The following TAFA2 variants were observed in gnomAD, a reference collection of about 807,000 sequenced individuals.
The protein encoded by TAFA2 is chemokine-like protein TAFA-2.
In TAFA2, 7 loss-of-function variants were observed where a neutral mutation model predicts 18.8. The ratio of observed to expected loss-of-function variants is 0.37; its 90% confidence interval spans 0.21 to 0.70. The LOEUF (loss-of-function observed/expected upper bound fraction) is 0.70, where lower values mean the gene tolerates loss of function less well. TAFA2 is among the 30% of genes least tolerant of loss of function. The probability of loss-of-function intolerance (pLI) is 0.53; values close to 1 mark genes in which losing one functional copy is unlikely to be tolerated. For synonymous variants in TAFA2, 60 were observed against 54.2 expected (o/e 1.11, Z -0.47); for missense variants, 122 against 158.1 (o/e 0.77, Z 1.23).
intron 2 of TAFA2, among the ~76,000 whole-genome samples, chr12:61,857,670 GAT>G (rs1873940051): frequency 6.6e-6 from 1 of 152,108 alleles, no homozygotes; most frequent in Non-Finnish European, 1.5e-5. Flanking sequence ...TTTTCAAAAC[GAT>G]TCTGAAGTTC....
intron 1 of TAFA2, among the ~76,000 whole-genome samples, chr12:62,011,971 G>A (rs1227577012): frequency 6.6e-6 from 1 of 152,104 alleles, no homozygotes; most frequent in African/African-American, 2.4e-5. Context: ...CACTAATAGG[G>A]ATTCTATGAG....
At chr12:62,059,013 G>A (rs976835104) in intron 1 of TAFA2, among the ~76,000 whole-genome samples, 1 of 152,232 alleles carries the variant, frequency 6.6e-6, no homozygotes, top group South Asian at 2.1e-4. Flanking sequence ...TGAGGCAGGA[G>A]AATGGCGGGA....
At chr12:61,719,954 T>C in intron 4 of TAFA2, among the ~76,000 whole-genome samples, 1 of 152,272 alleles carries the variant, frequency 6.6e-6, no homozygotes, top group Admixed American at 6.5e-5. Context: ...AAAAATCCCC[T>C]TCTGTAAATT....
chr12:61,959,911 G>C (rs1878823302), intron 1 of TAFA2, among the ~76,000 whole-genome samples: 1 of 151,818 alleles, frequency 6.6e-6, no homozygotes, highest in South Asian at 2.1e-4. Context: ...TGCCCAGGCT[G>C]GAGCACAGTG....
chr12:62,167,252 T>A (rs1214456240), intron 1 of TAFA2, among the ~76,000 whole-genome samples: 3 of 152,188 alleles, frequency 2.0e-5, no homozygotes, highest in Non-Finnish European at 4.4e-5. Flanking sequence ...GCTAAACTTC[T>A]CTGAATATGT....
chr12:62,154,267 C>G (rs1191956186), intron 1 of TAFA2, among the ~76,000 whole-genome samples: 7 of 152,040 alleles, frequency 4.6e-5, no homozygotes, highest in Admixed American at 4.6e-4. Flanking sequence ...TATAACAGCT[C>G]TAACTATTGT....
chr12:61,771,479 C>A (rs917422724), intron 2 of TAFA2, among the ~76,000 whole-genome samples: 3 of 151,786 alleles, frequency 2.0e-5, no homozygotes, highest in African/African-American at 7.3e-5. Context: ...ATATGATAGT[C>A]CACAAAACAA....
intron 1 of TAFA2, among the ~76,000 whole-genome samples, chr12:62,085,403 G>A (rs1293109159): frequency 2.0e-5 from 3 of 152,054 alleles, no homozygotes; most frequent in Non-Finnish European, 2.9e-5. Flanking sequence ...TGTAGACCAC[G>A]TGTTTACAAA....
intron 1 of TAFA2, among the ~76,000 whole-genome samples, chr12:62,105,569 T>A (rs1271469203): frequency 6.6e-6 from 1 of 152,196 alleles, no homozygotes; most frequent in African/African-American, 2.4e-5. Flanking sequence ...ACAAAATGTA[T>A]AACAGAGATG....
At chr12:62,234,770 T>C in intron 1 of TAFA2, 1 of 1,077,634 alleles carries the variant, frequency 9.3e-7, no homozygotes, top group Non-Finnish European at 1.4e-6. Flanking sequence ...CTGCTGTCTG[T>C]GGAGCAGGTC....
intron 1 of TAFA2, among the ~76,000 whole-genome samples, chr12:61,906,450 T>C (rs1324963228): frequency 6.6e-6 from 1 of 152,204 alleles, no homozygotes; most frequent in Non-Finnish European, 1.5e-5. Flanking sequence ...CCTTCTGCCA[T>C]GATTGTGAGA....
intron 2 of TAFA2, among the ~76,000 whole-genome samples, chr12:61,756,705 G>C (rs955428490): frequency 6.6e-6 from 1 of 152,084 alleles, no homozygotes; most frequent in Non-Finnish European, 1.5e-5. Flanking sequence ...CAGTAGAGTA[G>C]AGTAGAGTAA....
At chr12:61,923,980 G>A (rs1366209336) in intron 1 of TAFA2, among the ~76,000 whole-genome samples, 1 of 150,832 alleles carries the variant, frequency 6.6e-6, no homozygotes, top group Non-Finnish European at 1.5e-5. Context: ...CAGAAGAAAG[G>A]ATATCAGAGA....
chr12:61,842,084 A>G (rs1341876730), intron 2 of TAFA2, among the ~76,000 whole-genome samples: 1 of 152,036 alleles, frequency 6.6e-6, no homozygotes, highest in African/African-American at 2.4e-5. Flanking sequence ...TGTCTCCATA[A>G]GGACATTTTT....
In TAFA2 at chr12:61,776,003, G is replaced by T; in HGVS notation, c.107-20979C>A. 3 of 335,702 alleles carry T rather than the reference G, an allele frequency of 8.9e-6. No individual in the cohort carries two copies. In the South Asian group the frequency reaches 9.6e-5, roughly 11 times the overall value. 20.8% of individuals were successfully genotyped at this position (335,702 alleles called of 1,614,324 possible). ...TTAGAAAACATGGAGTTGTTCCTTTGACCACACACATGCGAATCTATAAGA... is the reference window on the plus strand; with the variant it reads ...TTAGAAAACATGGAGTTGTTCCTTTTACCACACACATGCGAATCTATAAGA... On this transcript the variant is annotated intron_variant, in intron 2 of 4. Coordinates refer to ENST00000416284, the MANE Select transcript of TAFA2 (RefSeq NM_178539.5).
intron 2 of TAFA2, among the ~76,000 whole-genome samples, chr12:61,839,090 G>A (rs970535201): frequency 1.3e-5 from 2 of 152,062 alleles, no homozygotes; most frequent in East Asian, 1.9e-4. Flanking sequence ...TTAAAACTTG[G>A]CTATGCCTCT....
At chr12:62,194,136 A>G (rs1473014487), upstream of TAFA2, among the ~76,000 whole-genome samples, 1 of 152,192 alleles carries the variant, frequency 6.6e-6, no homozygotes, top group African/African-American at 2.4e-5. Flanking sequence ...AGCAACGTTT[A>G]CATTTTAAAA....
At chr12:62,044,328 TAGAGTAACAA>T (rs1881850767) in intron 1 of TAFA2, among the ~76,000 whole-genome samples, 1 of 152,006 alleles carries the variant, frequency 6.6e-6, no homozygotes, top group African/African-American at 2.4e-5. Flanking sequence ...TTATACTACT[TAGAGTAACAA>T]AAAGTCTATA....
intron 1 of TAFA2, among the ~76,000 whole-genome samples, chr12:62,008,931 G>A (rs1299540788): frequency 6.6e-6 from 1 of 152,186 alleles, no homozygotes; most frequent in Non-Finnish European, 1.5e-5. Context: ...GGACTGTTGT[G>A]CAATCATACT....
Sources: allele counts gnomAD v4.1 joint callset (sites outside exome capture counted in the v4.1 genomes callset), GRCh38; gene constraint gnomAD v4.1.1; transcripts MANE v1.5; gene names NCBI Gene and HGNC (gene_info 2026-07-23, HGNC 2026-07-21).